ASB4: variants seen among roughly 807,000 people sequenced by gnomAD.
The protein encoded by ASB4 is ankyrin repeat and SOCS box protein 4.
In ASB4, 35 loss-of-function variants were observed where a neutral mutation model predicts 38.6. That is an observed-to-expected ratio of 0.91 (90% CI 0.69 to 1.20). The LOEUF (loss-of-function observed/expected upper bound fraction) is 1.20, where lower values mean the gene tolerates loss of function less well. ASB4 is among the 50% of genes most tolerant of loss of function. The pLI is 0.00. For synonymous variants in ASB4, 195 were observed against 201.3 expected (o/e 0.97, Z 0.26); for missense variants, 557 against 527.2 (o/e 1.06, Z -0.55).
At chr7:95,543,500 G>T (rs1396260390), downstream of ASB4, 1 of 152,226 alleles carries the variant, frequency 6.6e-6, no homozygotes, top group East Asian at 1.9e-4. Flanking sequence ...GGTCGGGATG[G>T]TAAGTGCTAT....
chr7:95,544,303 A>AC (rs1314959310), downstream of ASB4: 2 of 152,226 alleles, frequency 1.3e-5, no homozygotes, highest in African/African-American at 4.8e-5. Flanking sequence ...TAAATTATTC[A>AC]CTGAAGCACT....
intron 1 of ASB4, among the ~76,000 whole-genome samples, chr7:95,490,784 T>G (rs2116580766): frequency 6.6e-6 from 1 of 152,380 alleles, no homozygotes; most frequent in Middle Eastern, 3.4e-3. Flanking sequence ...GGCATATCTC[T>G]TTGGTTTCAG....
intron 2 of ASB4, among the ~76,000 whole-genome samples, chr7:95,512,247 C>G (rs10279960): frequency 0.46 from 69,881 of 152,030 alleles, 16,655 homozygotes; most frequent in African/African-American, 0.59. Flanking sequence ...AAGACGGACT[C>G]GGTTCAGACC....
rs566378888 is a variant in ASB4 at position 95,527,193 on chromosome 7, ATG to A, written c.488-609_488-608del. On this transcript the variant is annotated intron_variant, in intron 2 of 4. Coordinates refer to ENST00000325885, the MANE Select transcript of ASB4 (RefSeq NM_016116.3). ...AAGTCGTGTGTGTGTGTGCATGTGT[ATG>A]TGTGTGTGTGCATGCACAGGCATAT... 3.7e-3 allele frequency among the ~76,000 whole-genome samples: 558 copies of A among 151,590 alleles called. 4 individuals carry two copies. Among genetic ancestry groups the A allele is most frequent in the Non-Finnish European group, 5.1e-3 (349 of 67,800 alleles).
At chr7:95,477,735 C>CT (rs34231561), upstream of ASB4, among the ~76,000 whole-genome samples, 5,597 of 142,466 alleles carry the variant, frequency 0.039, 165 homozygotes, top group Admixed American at 0.069. Flanking sequence ...TAACAAGAAC[C>CT]TTTTTTTTTT....
intron 3 of ASB4, among the ~76,000 whole-genome samples, chr7:95,530,419 T>C (rs1790804696): frequency 6.6e-6 from 1 of 152,100 alleles, no homozygotes; most frequent in South Asian, 2.1e-4. Flanking sequence ...GAGCCGAGAT[T>C]GTGCCACTGC....
intron 1 of ASB4, 125 bp downstream of exon 1, chr7:95,486,283 C>G: frequency 1.4e-6 from 1 of 714,364 alleles, no homozygotes; most frequent in South Asian, 2.9e-5. Context: ...AAAAATATTT[C>G]TAAATTGATA....
At chr7:95,474,458 C>T (rs1040122304), upstream of ASB4, among the ~76,000 whole-genome samples, 42 of 152,122 alleles carry the variant, frequency 2.8e-4, no homozygotes, top group African/African-American at 1.0e-3. Flanking sequence ...ATTCCAGACC[C>T]TGACAACTGG....
the ASB4 span, among the ~76,000 whole-genome samples, chr7:95,551,178 G>A: frequency 6.6e-6 from 1 of 152,202 alleles, no homozygotes; most frequent in East Asian, 1.9e-4. Context: ...ACACGGTTTT[G>A]CCTTATTGGC....
downstream of ASB4, among the ~76,000 whole-genome samples, chr7:95,540,714 G>A (rs1790959785): frequency 6.6e-6 from 1 of 152,182 alleles, no homozygotes; most frequent in South Asian, 2.1e-4. Flanking sequence ...AGATATGAGG[G>A]AAAGATCACC....
At chr7:95,511,262 C>A (rs1044131087) in intron 2 of ASB4, among the ~76,000 whole-genome samples, 16 of 152,144 alleles carry the variant, frequency 1.1e-4, no homozygotes, top group African/African-American at 3.9e-4. Flanking sequence ...CTACCGAGAG[C>A]CACCAAGAAG....
chr7:95,473,590 G>A (rs924614871), upstream of ASB4: 1 of 151,870 alleles, frequency 6.6e-6, no homozygotes, highest in East Asian at 1.9e-4. Context: ...ACCTGAAAGA[G>A]CCTATAGAAT....
intron 2 of ASB4, among the ~76,000 whole-genome samples, chr7:95,506,903 C>G (rs147334719): frequency 1.1e-3 from 162 of 152,036 alleles, no homozygotes; most frequent in African/African-American, 3.6e-3. Context: ...TATCGAACCT[C>G]CCTGGACTGT....
At chr7:95,530,578 G>A (rs1051443896) in intron 3 of ASB4, among the ~76,000 whole-genome samples, 30 of 152,266 alleles carry the variant, frequency 2.0e-4, no homozygotes, top group African/African-American at 5.5e-4. Context: ...AGGTAGGAGA[G>A]GGCTAAGCAT....
At chr7:95,485,835 C>T (rs1045043035), upstream of ASB4, 1 of 663,146 alleles carries the variant, frequency 1.5e-6, no homozygotes, top group Non-Finnish European at 2.5e-6. Flanking sequence ...TTGAAATGAT[C>T]CCTATATAAA....
intron 2 of ASB4, among the ~76,000 whole-genome samples, chr7:95,505,809 C>T (rs1199098171): frequency 3.3e-5 from 5 of 151,522 alleles, no homozygotes; most frequent in Admixed American, 1.3e-4. Flanking sequence ...CTGTAGAAAA[C>T]TGTCTTATTT....
intron 2 of ASB4, among the ~76,000 whole-genome samples, chr7:95,519,113 A>T (rs1266880185): frequency 1.3e-5 from 2 of 152,226 alleles, no homozygotes; most frequent in East Asian, 1.9e-4. Context: ...TTAAGATTTC[A>T]TTTGAGACAA....
intron 2 of ASB4, among the ~76,000 whole-genome samples, chr7:95,499,766 T>A (rs79076343): frequency 0.023 from 3,470 of 151,860 alleles, 63 homozygotes; most frequent in South Asian, 0.086. Context: ...AGGAAATGAT[T>A]CATAGAAAGA....
Position 95,495,941 on chromosome 7 carries a change from A to G in ASB4, c.371A>G (p.Lys124Arg). 6.2e-7 allele frequency: 1 copy of G among 1,614,166 alleles called. No homozygotes were observed. The highest frequency in any genetic ancestry group is 8.5e-7 in the Non-Finnish European group (1 of 1,180,024). Reference sequence around the variant, plus strand: ...GAAATGGCCAATGTGGATTGTGTTAAGATCCTCTGTGATCGTGGGGCAAAG... The same window carrying G: ...GAAATGGCCAATGTGGATTGTGTTAGGATCCTCTGTGATCGTGGGGCAAAG... ...ACEMANVDCV[K>R]ILCDRGAKLN... Residue 124 changes from lysine (K) to arginine (R), a missense_variant, in exon 2 of 5, where the codon AAG (lysine) becomes AGG (arginine). By Grantham distance (26) the Lys-to-Arg change is conservative. Transcript: ENST00000325885.
Sources: gnomAD v4.1 joint callset for allele counts (sites outside exome capture counted in the v4.1 genomes callset) on GRCh38, gnomAD v4.1.1 for gene constraint, MANE v1.5 for transcripts, NCBI Gene and HGNC (gene_info 2026-07-23, HGNC 2026-07-21) for gene names.